SMOC2: variants seen among roughly 807,000 people sequenced by gnomAD.
The protein encoded by SMOC2 is SPARC related modular calcium binding 2, also known as SPARC-related modular calcium-binding protein 2.
A neutral mutation model predicts 61.4 loss-of-function variants in SMOC2; 39 were observed. That is an observed-to-expected ratio of 0.64 (90% CI 0.49 to 0.83). The LOEUF (loss-of-function observed/expected upper bound fraction) is 0.83, where lower values mean the gene tolerates loss of function less well. SMOC2 is among the 40% of genes least tolerant of loss of function. The pLI is 0.00. For missense variants in SMOC2, 556 were observed against 592.9 expected (o/e 0.94, Z 0.65); for synonymous variants, 247 against 239.9 (o/e 1.03, Z -0.27).
rs1303290929 is a variant in SMOC2 at position 168,452,701 on chromosome 6, G to A, written c.84+11247G>A. On this transcript the variant is annotated intron_variant, in intron 1 of 12. Coordinates refer to ENST00000356284, the MANE Select transcript of SMOC2 (RefSeq NM_001166412.2). This position sits in a 1 kb window ranked among gnomAD's most constrained non-coding sequence, Gnocchi z 5.0. Reference sequence around the variant, plus strand: ...AAAAATCATTAGCAGCTGTCATTTAGATTTGTACACCATTCCTAGTCCCTT... The same window carrying A: ...AAAAATCATTAGCAGCTGTCATTTAAATTTGTACACCATTCCTAGTCCCTT... Among the ~76,000 whole-genome samples, 1 of 152,206 alleles carries A rather than the reference G, an allele frequency of 6.6e-6. No homozygotes were observed. The highest frequency in any genetic ancestry group is 1.9e-4 in the East Asian group (1 of 5,200).
At chr6:168,543,567 TGATGGCCATTTAA>T in intron 4 of SMOC2, 45 bp from the exon 5 acceptor site, 1 of 1,449,620 alleles carries the variant, frequency 6.9e-7, no homozygotes, top group South Asian at 1.2e-5. Context: ...ACTTAATTTG[TGATGGCCATTTAA>T]GAGTCCAAAA....
In SMOC2 at chr6:168,470,246, C is replaced by T. The variant is rs577132599; in HGVS notation, c.84+28792C>T. 7.9e-5 allele frequency among the ~76,000 whole-genome samples: 12 copies of T among 152,330 alleles called. No individual in the cohort carries two copies. In the East Asian group the frequency reaches 2.3e-3, roughly 29 times the overall value. ...GCCAGTATCAGTCTCTGCTGTGAGT[C>T]CTTTTGGACATAGTTTCCTACTCTT... On this transcript the variant is annotated intron_variant, in intron 1 of 12. Transcript: ENST00000356284.
chr6:168,556,375 G>T (rs1279637004), intron 7 of SMOC2, among the ~76,000 whole-genome samples: 2 of 152,164 alleles, frequency 1.3e-5, no homozygotes, highest in Non-Finnish European at 2.9e-5. Context: ...GTCCGGCTCT[G>T]CACCCTCGGT....
chr6:168,588,642 T>A (rs1425674991), intron 7 of SMOC2, among the ~76,000 whole-genome samples: 1 of 152,154 alleles, frequency 6.6e-6, no homozygotes, highest in Non-Finnish European at 1.5e-5. Context: ...TGAAGCGGAG[T>A]GGCCAGGTTG....
chr6:168,656,522 A>AAG (rs1345427716), intron 11 of SMOC2, among the ~76,000 whole-genome samples: 6 of 142,294 alleles, frequency 4.2e-5, no homozygotes, highest in Admixed American at 1.4e-4. Context: ...AAAAAAAAAA[A>AAG]AAAAAAAAGA....
intron 10 of SMOC2, among the ~76,000 whole-genome samples, chr6:168,651,778 C>A (rs1293086047): frequency 6.6e-6 from 1 of 152,198 alleles, no homozygotes; most frequent in Non-Finnish European, 1.5e-5. Flanking sequence ...CAGGGGCTCA[C>A]GCCTGTAATC....
chr6:168,615,186 C>T (rs1316497137), intron 9 of SMOC2, among the ~76,000 whole-genome samples: 4 of 65,744 alleles, frequency 6.1e-5, no homozygotes, highest in African/African-American at 6.2e-5. Flanking sequence ...CCTCTTCACA[C>T]CTACAGCCAG....
At chr6:168,520,133 A>G (rs980782194) in intron 2 of SMOC2, among the ~76,000 whole-genome samples, 1 of 152,160 alleles carries the variant, frequency 6.6e-6, no homozygotes, top group African/African-American at 2.4e-5. Context: ...GCTGCAGACC[A>G]CTGGGGTTGG....
chr6:168,503,405 G>C (rs56755762), intron 1 of SMOC2, among the ~76,000 whole-genome samples: 1 of 152,080 alleles, frequency 6.6e-6, no homozygotes, highest in Non-Finnish European at 1.5e-5. Flanking sequence ...AATGAGCAGA[G>C]AGCACTTACG....
intron 4 of SMOC2, among the ~76,000 whole-genome samples, chr6:168,541,172 C>G (rs576847185): frequency 1.2e-4 from 19 of 152,306 alleles, no homozygotes; most frequent in Middle Eastern, 3.4e-3. Flanking sequence ...TATGACAAAA[C>G]CCACCCCTTT....
rs1328142054 is a variant in SMOC2, at chr6:168,487,798, T to C, written c.85-22117T>C. On this transcript the variant is annotated intron_variant, in intron 1 of 12. Transcript: ENST00000356284. ...GATTACAGGCATGAGCCACTGTGCC[T>C]AGCCAAAAATTACCTTTTGATTAAA... Among the ~76,000 whole-genome samples the C allele has an allele frequency of 2.0e-5, 3 of 152,184 alleles. No individual in the cohort carries two copies. In the East Asian group the frequency reaches 5.8e-4, roughly 29 times the overall value.
intron 8 of SMOC2, among the ~76,000 whole-genome samples, chr6:168,602,309 G>A (rs1021162767): frequency 2.0e-5 from 3 of 152,310 alleles, no homozygotes; most frequent in South Asian, 2.1e-4. Context: ...GTTATAAGTC[G>A]TTGGTGGGGG....
Position 168,475,326 on chromosome 6 carries a change from C to T in SMOC2, c.84+33872C>T, listed in dbSNP as rs905757296. Among the ~76,000 whole-genome samples the T allele has an allele frequency of 2.0e-5, 3 of 152,056 alleles. No homozygotes were observed. Among genetic ancestry groups the T allele is most frequent in the African/African-American group, 4.8e-5 (2 of 41,400 alleles). On this transcript the variant is annotated intron_variant, in intron 1 of 12. Transcript: ENST00000356284. The surrounding 1 kb of genome is among the most constrained non-coding windows in gnomAD (Gnocchi z 4.6). ...GCCTTTCCTTCCTCTTCTCTGTGGA[C>T]GTAGATTAAATTCACTCTCATTTAT...
intron 9 of SMOC2, among the ~76,000 whole-genome samples, chr6:168,630,968 T>G (rs2115247088): frequency 6.6e-6 from 1 of 152,284 alleles, no homozygotes; most frequent in Middle Eastern, 3.4e-3. Context: ...AAAACTTCAT[T>G]AGCAATTTTA....
chr6:168,514,187 T>A (rs534536789), intron 2 of SMOC2, among the ~76,000 whole-genome samples: 12 of 152,316 alleles, frequency 7.9e-5, no homozygotes, highest in African/African-American at 2.9e-4. Flanking sequence ...AAAAAACAAG[T>A]CAGTCTGTTT....
intron 9 of SMOC2, among the ~76,000 whole-genome samples, chr6:168,641,653 A>T (rs1330520006): frequency 6.6e-6 from 1 of 152,224 alleles, no homozygotes; most frequent in Non-Finnish European, 1.5e-5. Flanking sequence ...CTGGAATGTT[A>T]TGGTCAGAGG....
chr6:168,629,286 C>T (rs905214931), intron 9 of SMOC2, among the ~76,000 whole-genome samples: 1 of 152,234 alleles, frequency 6.6e-6, no homozygotes, highest in Non-Finnish European at 1.5e-5. Context: ...CCCCAAGTGC[C>T]CTCAGTGCTG....
At chr6:168,473,024 C>T (rs1048164988) in intron 1 of SMOC2, among the ~76,000 whole-genome samples, 1 of 152,144 alleles carries the variant, frequency 6.6e-6, no homozygotes, top group African/African-American at 2.4e-5. Context: ...TGGCCATTGC[C>T]CAACACTGCA....
intron 7 of SMOC2, among the ~76,000 whole-genome samples, chr6:168,595,177 T>G (rs1490585384): frequency 7.3e-6 from 1 of 137,514 alleles, no homozygotes; most frequent in African/African-American, 2.8e-5. Flanking sequence ...GAGCTCCTCC[T>G]CCTTCCTGAG....
Sources: gnomAD v4.1 joint callset for allele counts (sites outside exome capture counted in the v4.1 genomes callset) on GRCh38, gnomAD v4.1.1 for gene constraint, Gnocchi (gnomAD v3.1) non-coding constraint, MANE v1.5 for transcripts, NCBI Gene and HGNC (gene_info 2026-07-23, HGNC 2026-07-21) for gene names.